Variants in CELSR1 observed in about 807,000 individuals in gnomAD.
CELSR1 encodes adhesion G protein-coupled receptor C1.
CELSR1 carries 110 observed loss-of-function variants against 249.1 expected under a neutral mutation model. The ratio of observed to expected loss-of-function variants is 0.44; its 90% confidence interval spans 0.38 to 0.52. CELSR1 has a LOEUF of 0.52. Among genes scored for constraint, CELSR1 ranks in the 20% least tolerant of loss-of-function variants. The pLI is 0.00. For synonymous variants in CELSR1, 2,113 were observed against 1,900.0 expected (o/e 1.11, Z -2.92); for missense variants, 4,109 against 4,296.4 (o/e 0.96, Z 1.22).
intron 1 of CELSR1, among the ~76,000 whole-genome samples, chr22:46,514,765 C>T (rs1206360804): frequency 6.6e-6 from 1 of 152,140 alleles, no homozygotes; most frequent in Non-Finnish European, 1.5e-5. Context: ...ATTGCCCAGC[C>T]CTGTCCTGCC....
intron 22 of CELSR1, among the ~76,000 whole-genome samples, chr22:46,379,542 C>T (rs994021686): frequency 1.3e-5 from 2 of 152,356 alleles, no homozygotes; most frequent in Middle Eastern, 3.4e-3. Context: ...TGACGTCCGT[C>T]GTGGTGGAAT....
At chr22:46,453,509 C>G (rs2082927340) in intron 2 of CELSR1, among the ~76,000 whole-genome samples, 1 of 152,228 alleles carries the variant, frequency 6.6e-6, no homozygotes, top group Admixed American at 6.5e-5. Context: ...GTCCAGCCAG[C>G]TTCATCTGAT....
chr22:46,369,701 A>G lies in CELSR1; in HGVS notation c.7863T>C (p.Ala2621=), dbSNP rs2147177047. The change falls in exon 26 of 35, where the codon GCT becomes GCC. Residue 2621 remains alanine, a synonymous_variant. Transcript: ENST00000674500. ...LIWSFAGPIG[A]VIIINTVTSV... ...AAGGCCCCACACTCACGATTATAAC[A>G]GCTCCGATGGGCCCCGCAAAGCTCC... 6.2e-7 allele frequency: 1 copy of G among 1,613,390 alleles called. No homozygotes were observed. The highest frequency in any genetic ancestry group is 1.1e-5 in the South Asian group (1 of 91,078).
chr22:46,532,753 T>C (rs1321341237), intron 1 of CELSR1, among the ~76,000 whole-genome samples: 1 of 152,158 alleles, frequency 6.6e-6, no homozygotes, highest in Non-Finnish European at 1.5e-5. Flanking sequence ...ACCTTTACTG[T>C]TCCCCCAGGC....
At position 46,398,863 on chromosome 22, in the gene CELSR1, C is replaced by CA. The variant is rs1035435745; in HGVS notation, c.5413-227dup. Among the ~76,000 whole-genome samples, 7 of 152,182 alleles carry CA rather than the reference C, an allele frequency of 4.6e-5. No individual in the cohort carries two copies. The highest frequency in any genetic ancestry group is 1.7e-4 in the African/African-American group (7 of 41,446). On this transcript the variant is annotated intron_variant, in intron 10 of 34. Coordinates refer to ENST00000674500, the MANE Select transcript of CELSR1 (RefSeq NM_001378328.1). This position sits in a 1 kb window ranked among gnomAD's most constrained non-coding sequence, Gnocchi z 7.2. ...GGCCAGAGGATGGGTGTCCATGCCC[C>CA]AGCCTAGCTGAGGCGGCCAGTGGGG...
At position 46,472,072 on chromosome 22, in the gene CELSR1, C is replaced by T. The variant is rs2080161357; in HGVS notation, c.3545-7727G>A. ...TCCTCCCAGGCCTGGAGCGGCTCCG[C>T]GGCACCTCAAAAGCGATCAAGTGCC... On this transcript the variant is annotated intron_variant, in intron 1 of 34. Coordinates refer to ENST00000674500, the MANE Select transcript of CELSR1 (RefSeq NM_001378328.1). This position sits in a 1 kb window ranked among gnomAD's most constrained non-coding sequence, Gnocchi z 7.0. Among the ~76,000 whole-genome samples the T allele has an allele frequency of 2.0e-5, 3 of 152,128 alleles. No homozygotes were observed. The highest frequency in any genetic ancestry group is 2.0e-4 in the Admixed American group (3 of 15,252).
intron 2 of CELSR1, among the ~76,000 whole-genome samples, chr22:46,457,238 G>A (rs1030675528): frequency 1.3e-5 from 2 of 152,050 alleles, no homozygotes; most frequent in Admixed American, 6.6e-5. Context: ...CCAGCTACTC[G>A]GGAGGCTGAG....
Position 46,378,613 on chromosome 22 carries a change from A to C in CELSR1, c.7361T>G (p.Leu2454Arg). 8 of 1,588,110 alleles carry C rather than the reference A, an allele frequency of 5.0e-6. No homozygotes were observed. The highest frequency in any genetic ancestry group is 6.8e-6 in the Non-Finnish European group (8 of 1,168,052). The part of the protein sequence containing the change: ...QCSHTASFAV[L>R]MDISRRENGE... ...CACCTCACGCCTGGAGATATCCATG[A>C]GCACCGCAAAGCTGGCTGTGTGGCT... Residue 2454 changes from leucine (L) to arginine (R), a missense_variant, in exon 23 of 35, where the codon CTC becomes CGC. By Grantham distance (102) the Leu-to-Arg change is moderately radical. Around this residue, in one of 7 missense-constraint regions of CELSR1, gnomAD observed 1,805 missense variants for 1,831.6 expected, o/e 0.99. Coordinates refer to ENST00000674500, the MANE Select transcript of CELSR1 (RefSeq NM_001378328.1).
chr22:46,371,562 C>T (rs1316741522), intron 25 of CELSR1, among the ~76,000 whole-genome samples: 1 of 151,986 alleles, frequency 6.6e-6, no homozygotes, highest in African/African-American at 2.4e-5. Flanking sequence ...ATCCCATCCA[C>T]CCACTGCACC....
At chr22:46,386,141 TG>T (rs1204398241) in intron 19 of CELSR1, among the ~76,000 whole-genome samples, 1 of 152,130 alleles carries the variant, frequency 6.6e-6, no homozygotes, top group African/African-American at 2.4e-5. Context: ...GGCTACTTTT[TG>T]TATTTTTAGT....
At chr22:46,477,514 CT>C (rs10683807) in intron 1 of CELSR1, among the ~76,000 whole-genome samples, 2,952 of 133,600 alleles carry the variant, frequency 0.022, 119 homozygotes, top group African/African-American at 0.077. Flanking sequence ...GTTTTATTGG[CT>C]TTTTTTTTTT....
chr22:46,523,832 C>T (rs2080710611), intron 1 of CELSR1, among the ~76,000 whole-genome samples: 1 of 152,130 alleles, frequency 6.6e-6, no homozygotes, highest in Admixed American at 6.5e-5. Context: ...CTTCACTCTA[C>T]AGCTTCTTGT....
In CELSR1 at chr22:46,381,926, G is replaced by A. The variant is rs368240148; in HGVS notation, c.7008C>T (p.Phe2336=). The A allele has an allele frequency of 6.0e-5, 95 of 1,571,016 alleles. No homozygotes were observed. Among genetic ancestry groups the A allele is most frequent in the Non-Finnish European group, 7.8e-5 (91 of 1,160,220 alleles). Residue 2336 remains phenylalanine (F), a synonymous_variant, in exon 21 of 35, where the codon TTC becomes TTT. Transcript: ENST00000674500. The surrounding 1 kb of genome is among the most constrained non-coding windows in gnomAD (Gnocchi z 6.0). ...GGTAAATGATGACCAGAGCGACGGC[G>A]AACTGGCCAGCGTCATCAGGGTGTC... ...RRRHPDDAGQ[F]AVALVIIYRT... is the part of the protein sequence containing the mutation.
chr22:46,536,728 G>A lies in CELSR1; in HGVS notation c.443C>T (p.Ala148Val). The part of the protein sequence containing the change: ...GCAAAQHSAL[A>V]APTTLPACRC... Reference sequence around the variant, plus strand: ...GCAGGCGGGTAAGGTGGTCGGAGCTGCGAGCGCCGAATGCTGCGCGGCCGC... The same window carrying A: ...GCAGGCGGGTAAGGTGGTCGGAGCTACGAGCGCCGAATGCTGCGCGGCCGC... Residue 148 changes from alanine (A) to valine (V), a missense_variant, in exon 1 of 35, where the codon GCA becomes GTA. By Grantham distance (64) the Ala-to-Val change is moderately conservative (BLOSUM62 0). Around this residue, in one of 7 missense-constraint regions of CELSR1, gnomAD observed 673 missense variants for 636.8 expected, o/e 1.06. Coordinates refer to ENST00000674500, the MANE Select transcript of CELSR1 (RefSeq NM_001378328.1). 1 of 1,181,236 alleles carries A rather than the reference G, an allele frequency of 8.5e-7. No individual in the cohort carries two copies. The highest frequency in any genetic ancestry group is 1.0e-6 in the Non-Finnish European group (1 of 956,742). 73.2% of individuals were successfully genotyped at this position (1,181,236 alleles called of 1,614,324 possible).
chr22:46,524,541 C>CAT (rs1555937924), intron 1 of CELSR1, among the ~76,000 whole-genome samples: 24 of 77,828 alleles, frequency 3.1e-4, no homozygotes, highest in African/African-American at 1.4e-3. Context: ...CCGTTGTGTG[C>CAT]GTGTGTGTGT....
chr22:46,456,320 C>T (rs922707278), intron 2 of CELSR1, among the ~76,000 whole-genome samples: 3 of 152,108 alleles, frequency 2.0e-5, no homozygotes, highest in South Asian at 2.1e-4. Flanking sequence ...GGGATGAGTG[C>T]GTCAGCAGAT....
At chr22:46,422,332 T>C (rs2079483881) in intron 5 of CELSR1, among the ~76,000 whole-genome samples, 1 of 152,044 alleles carries the variant, frequency 6.6e-6, no homozygotes, top group Admixed American at 6.5e-5. Flanking sequence ...GGTTTTGAAC[T>C]CCTGACTTCA....
chr22:46,488,711 G>C lies in CELSR1; in HGVS notation c.3545-24366C>G, dbSNP rs1020564752. Reference sequence around the variant, plus strand: ...GTCTTGCTCTGTCACCCAGGCTGGAGTTCAGTGGCGTGATCTCGGCTCACT... The same window carrying C: ...GTCTTGCTCTGTCACCCAGGCTGGACTTCAGTGGCGTGATCTCGGCTCACT... On this transcript the variant is annotated intron_variant, in intron 1 of 34. Coordinates refer to ENST00000674500, the MANE Select transcript of CELSR1 (RefSeq NM_001378328.1). The surrounding 1 kb of genome is among the most constrained non-coding windows in gnomAD (Gnocchi z 4.7). Among the ~76,000 whole-genome samples the C allele has an allele frequency of 6.6e-6, 1 of 151,472 alleles. No homozygotes were observed. The highest frequency in any genetic ancestry group is 1.5e-5 in the Non-Finnish European group (1 of 67,914).
chr22:46,536,075 G>A lies in CELSR1; in HGVS notation c.1096C>T (p.Leu366=). The A allele has an allele frequency of 6.2e-7, 1 of 1,611,546 alleles. No individual in the cohort carries two copies. The highest frequency in any genetic ancestry group is 8.5e-7 in the Non-Finnish European group (1 of 1,179,974). Residue 366 remains leucine, a synonymous_variant, in exon 1 of 35, where the codon CTG becomes TTG. Transcript: ENST00000674500. ...GTCAGCACCTCGTAGCCCACCTCCA[G>A]GTTCTCCCGCACGCGCTCGCGGTAC... ...SEYRERVREN[L]EVGYEVLTIR... is the part of the protein sequence containing the mutation.
Sources: allele counts gnomAD v4.1 joint callset (sites outside exome capture counted in the v4.1 genomes callset), GRCh38; gene constraint gnomAD v4.1.1; regional missense constraint gnomAD v4.1.1; non-coding constraint Gnocchi (gnomAD v3.1); transcripts MANE v1.5; gene names NCBI Gene and HGNC (gene_info 2026-07-23, HGNC 2026-07-21).